Variants in GRM7 observed in about 807,000 individuals in gnomAD.
GRM7 encodes glutamate metabotropic receptor 7, also known as metabotropic glutamate receptor 7.
A neutral mutation model predicts 84.5 loss-of-function variants in GRM7; 35 were observed. That is an observed-to-expected ratio of 0.41 (90% CI 0.32 to 0.55). The LOEUF is 0.55. GRM7 is among the 20% of genes least tolerant of loss of function. The pLI is 0.19. For missense variants in GRM7, 1,003 were observed against 1,194.6 expected, an observed-to-expected ratio of 0.84 and a Z score of 2.36; for synonymous variants, 487 against 455.1, an observed-to-expected ratio of 1.07 and a Z score of -0.89.
At chr3:6,940,524 A>G (rs1697854247) in intron 1 of GRM7, among the ~76,000 whole-genome samples, 1 of 152,230 alleles carries the variant, frequency 6.6e-6, no homozygotes, top group African/African-American at 2.4e-5. Context: ...TTTGATAGTC[A>G]TATTCAATAA....
At chr3:7,526,742 A>G (rs1428012396) in intron 7 of GRM7, among the ~76,000 whole-genome samples, 2 of 151,960 alleles carry the variant, frequency 1.3e-5, no homozygotes, top group Non-Finnish European at 2.9e-5. Flanking sequence ...GCTCCTGCGT[A>G]TGGTTAGGTA....
At chr3:7,387,976 T>A (rs1186056794) in intron 4 of GRM7, among the ~76,000 whole-genome samples, 2 of 152,136 alleles carry the variant, frequency 1.3e-5, no homozygotes, top group Admixed American at 1.3e-4. Context: ...AAGCAGTGTT[T>A]TATAGTTTTC....
rs533563327 is a variant in GRM7 at position 7,330,515 on chromosome 3, C to T, written c.1033+23863C>T. 7.2e-4 allele frequency among the ~76,000 whole-genome samples: 110 copies of T among 152,212 alleles called. 1 individual carries two copies. Among genetic ancestry groups the T allele is most frequent in the Middle Eastern group, 6.8e-3 (2 of 294 alleles). ...TGAATTGTAGATCCTGTAATTCCCA[C>T]ATGTTGTGTGAGGGACCTGGTGGGA... On this transcript the variant is annotated intron_variant, in intron 4 of 9. Transcript: ENST00000357716.
intron 1 of GRM7, among the ~76,000 whole-genome samples, chr3:6,948,335 G>A (rs574403806): frequency 1.7e-4 from 26 of 152,306 alleles, no homozygotes; most frequent in African/African-American, 6.0e-4. Flanking sequence ...TCAGGAGCTG[G>A]TTGTTCAGTT....
At chr3:6,954,142 G>T (rs1466756697) in intron 1 of GRM7, among the ~76,000 whole-genome samples, 2 of 152,074 alleles carry the variant, frequency 1.3e-5, no homozygotes, top group Non-Finnish European at 2.9e-5. Flanking sequence ...ATGCATATTT[G>T]TTCTATGCAT....
chr3:7,445,144 G>T (rs1352137560), intron 5 of GRM7, among the ~76,000 whole-genome samples: 3 of 152,164 alleles, frequency 2.0e-5, no homozygotes, highest in African/African-American at 7.2e-5. Context: ...CCTCCTTGCA[G>T]GAAATTCTGC....
intron 1 of GRM7, among the ~76,000 whole-genome samples, chr3:7,048,689 A>C (rs12492118): frequency 6.6e-6 from 1 of 151,796 alleles, no homozygotes; most frequent in Non-Finnish European, 1.5e-5. Flanking sequence ...TGGTTAAATC[A>C]AGCTAACAAC....
intron 2 of GRM7, among the ~76,000 whole-genome samples, chr3:7,177,221 T>C (rs1016596942): frequency 3.9e-5 from 6 of 152,214 alleles, no homozygotes; most frequent in Admixed American, 3.9e-4. Flanking sequence ...CCTTTAAGGC[T>C]CTTAGAGGTT....
chr3:6,862,728 C>T lies in GRM7; in HGVS notation c.519+821C>T, dbSNP rs1257834513. The T allele has an allele frequency of 1.7e-5, 3 of 174,094 alleles. No individual in the cohort carries two copies. Among genetic ancestry groups the T allele is most frequent in the South Asian group, 6.4e-5 (2 of 31,450 alleles). 10.8% of individuals were successfully genotyped at this position (174,094 alleles called of 1,614,324 possible). ...CTCCCTGCCTCCTCCCTCCTCCCCC[C>T]CGCCCCCCTCACCCACTATCTCCCT... is the stretch of plus-strand genomic sequence containing the variant. On this transcript the variant is annotated intron_variant, in intron 1 of 9. Transcript: ENST00000357716. This position sits in a 1 kb window ranked among gnomAD's most constrained non-coding sequence, Gnocchi z 5.2.
intron 4 of GRM7, among the ~76,000 whole-genome samples, chr3:7,351,441 A>C (rs1693144072): frequency 6.6e-6 from 1 of 151,920 alleles, no homozygotes; most frequent in African/African-American, 2.4e-5. Context: ...GCCCTATAAA[A>C]GCTGTAAGTC....
intron 1 of GRM7, among the ~76,000 whole-genome samples, chr3:7,079,697 G>C (rs1473784818): frequency 6.6e-6 from 1 of 152,104 alleles, no homozygotes; most frequent in Admixed American, 6.6e-5. Flanking sequence ...ACCTGTGATG[G>C]TGGGATATTT....
intron 2 of GRM7, among the ~76,000 whole-genome samples, chr3:7,263,251 C>T (rs1698505853): frequency 1.3e-5 from 2 of 152,110 alleles, no homozygotes; most frequent in South Asian, 4.1e-4. Flanking sequence ...GGTATTGGGC[C>T]CTGGCTTTGT....
At position 7,260,883 on chromosome 3, in the gene GRM7, C is replaced by A. The variant is rs935460958; in HGVS notation, c.737-37801C>A. Among the ~76,000 whole-genome samples the A allele has an allele frequency of 2.0e-5, 3 of 152,156 alleles. No homozygotes were observed. The South Asian group carries it at 6.2e-4, about 32-fold the overall frequency. The stretch of plus-strand genomic sequence containing the variant: ...GCTGTAAATTTCCCTGTTAATACTA[C>A]CTTAGCTGTGTCCCAGAGATTCTGG... On this transcript the variant is annotated intron_variant, in intron 2 of 9. Transcript: ENST00000357716.
At chr3:6,995,283 C>A (rs1177014533) in intron 1 of GRM7, among the ~76,000 whole-genome samples, 1 of 152,206 alleles carries the variant, frequency 6.6e-6, no homozygotes, top group African/African-American at 2.4e-5. Flanking sequence ...TCTATTCCAA[C>A]TACTCAAGTT....
At chr3:7,099,985 T>G (rs1232321846) in intron 1 of GRM7, among the ~76,000 whole-genome samples, 1 of 148,140 alleles carries the variant, frequency 6.8e-6, no homozygotes, top group Non-Finnish European at 1.5e-5. Flanking sequence ...TAATTGCATA[T>G]GTACATATAT....
chr3:7,121,507 C>T (rs187724215), intron 1 of GRM7, among the ~76,000 whole-genome samples: 64 of 152,260 alleles, frequency 4.2e-4, no homozygotes, highest in African/African-American at 1.5e-3. Context: ...ACCTATGCCC[C>T]ATTCTAATGT....
chr3:6,984,653 A>T (rs981100588), intron 1 of GRM7, among the ~76,000 whole-genome samples: 1 of 152,106 alleles, frequency 6.6e-6, no homozygotes. Context: ...TTAGTGACAC[A>T]GATGTTTTTC....
chr3:6,989,898 G>T (rs953889021), intron 1 of GRM7, among the ~76,000 whole-genome samples: 5 of 152,198 alleles, frequency 3.3e-5, no homozygotes, highest in African/African-American at 1.2e-4. Flanking sequence ...TGTGCTAATG[G>T]TTCTTTTCCT....
At chr3:7,044,701 G>A (rs1377398653) in intron 1 of GRM7, among the ~76,000 whole-genome samples, 1 of 151,980 alleles carries the variant, frequency 6.6e-6, no homozygotes, top group Non-Finnish European at 1.5e-5. Context: ...TGGAAATGTG[G>A]TGTAGTGCCG....
Sources: gnomAD v4.1 joint callset for allele counts (sites outside exome capture counted in the v4.1 genomes callset) on GRCh38, gnomAD v4.1.1 for gene constraint, Gnocchi (gnomAD v3.1) non-coding constraint, MANE v1.5 for transcripts, NCBI Gene and HGNC (gene_info 2026-07-23, HGNC 2026-07-21) for gene names.